FRMPD4: variants seen among roughly 807,000 people sequenced by gnomAD.
The protein encoded by FRMPD4 is FERM and PDZ domain containing 4.
A neutral mutation model predicts 94.1 loss-of-function variants in FRMPD4; 22 were observed. The observed-to-expected ratio is 0.23, with a 90% CI of 0.17 to 0.33. FRMPD4 has a LOEUF of 0.33. Among genes scored for constraint, FRMPD4 ranks in the 10% least tolerant of loss-of-function variants. The pLI is 1.00. For missense variants in FRMPD4, 1,111 were observed against 1,339.9 expected, an observed-to-expected ratio of 0.83 and a Z score of 2.67; for synonymous variants, 631 against 548.6, an observed-to-expected ratio of 1.15 and a Z score of -2.10.
chrX:12,629,097 C>G (rs1422661865), intron 4 of FRMPD4, among the ~76,000 whole-genome samples: 1 of 112,284 alleles, frequency 8.9e-6, no homozygotes, highest in African/African-American at 3.2e-5. Context: ...GCAGGTCCCT[C>G]CCACAACACA....
chrX:12,059,656 A>G (rs2054874064), intron 3 of FRMPD4, among the ~76,000 whole-genome samples: 1 of 107,376 alleles, frequency 9.3e-6, no homozygotes. Flanking sequence ...GATTGTTGCC[A>G]CATTTATGTC....
intron 1 of FRMPD4, among the ~76,000 whole-genome samples, chrX:12,403,624 A>G (rs1569262668): frequency 1.8e-5 from 2 of 111,386 alleles, no homozygotes; most frequent in Admixed American, 9.6e-5. Flanking sequence ...TATCCTTTTG[A>G]TCACTGTCGG....
chrX:11,850,130 A>T (rs1454563089), intron 1 of FRMPD4, among the ~76,000 whole-genome samples: 1 of 112,324 alleles, frequency 8.9e-6, no homozygotes, highest in Non-Finnish European at 1.9e-5. Flanking sequence ...TTGAATAGAC[A>T]ATTCTCCAAA....
chrX:12,569,231 A>G (rs1206931555), intron 2 of FRMPD4, among the ~76,000 whole-genome samples: 1 of 111,382 alleles, frequency 9.0e-6, no homozygotes, highest in African/African-American at 3.3e-5. Context: ...TTACAGCAAC[A>G]TAAAGCAGAC....
intron 1 of FRMPD4, among the ~76,000 whole-genome samples, chrX:12,245,204 A>G (rs1183680190): frequency 8.9e-6 from 1 of 112,009 alleles, no homozygotes; most frequent in Non-Finnish European, 1.9e-5. Flanking sequence ...GGCACTCTGT[A>G]TGCAGAGAGA....
At chrX:11,901,335 G>A (rs1262931196) in intron 3 of FRMPD4, among the ~76,000 whole-genome samples, 1 of 111,935 alleles carries the variant, frequency 8.9e-6, no homozygotes, top group African/African-American at 3.3e-5. Context: ...CCACTTATAA[G>A]TGAGAACATA....
chrX:12,709,378 C>T, intron 13 of FRMPD4, among the ~76,000 whole-genome samples: 1 of 112,059 alleles, frequency 8.9e-6, no homozygotes, highest in South Asian at 3.7e-4. Flanking sequence ...CACTTTTTCT[C>T]TTTCAACAAA....
At chrX:12,678,001 C>G (rs980175940) in intron 5 of FRMPD4, among the ~76,000 whole-genome samples, 2 of 112,553 alleles carry the variant, frequency 1.8e-5, no homozygotes, top group Non-Finnish European at 3.7e-5. Flanking sequence ...TGTTGGCAAA[C>G]TTTTCCCGCA....
intron 3 of FRMPD4, among the ~76,000 whole-genome samples, chrX:11,935,022 A>G (rs1277710066): frequency 9.4e-6 from 1 of 106,729 alleles, no homozygotes; most frequent in African/African-American, 3.4e-5. Flanking sequence ...CAATTTGTCA[A>G]TAAACTTTGG....
intron 1 of FRMPD4, among the ~76,000 whole-genome samples, chrX:12,232,927 A>G (rs757233136): frequency 4.5e-5 from 5 of 112,152 alleles, no homozygotes; most frequent in Non-Finnish European, 9.4e-5. Context: ...GGATTCTTTC[A>G]GGAAGAAGTA....
intron 1 of FRMPD4, among the ~76,000 whole-genome samples, chrX:12,490,752 C>G (rs1046635555): frequency 8.1e-5 from 9 of 111,734 alleles, no homozygotes; most frequent in African/African-American, 2.6e-4. Context: ...AATCTAGACT[C>G]CATGGTTTGG....
intron 3 of FRMPD4, among the ~76,000 whole-genome samples, chrX:11,900,933 A>G (rs762015768): frequency 9.0e-6 from 1 of 110,992 alleles, no homozygotes; most frequent in Non-Finnish European, 1.9e-5. Context: ...GCTTCCTTCA[A>G]GTTGTTCCCC....
rs1283330937 is a variant in FRMPD4, at chrX:12,495,844, G to A, written c.42-2836G>A. Among the ~76,000 whole-genome samples, 3 of 111,964 alleles carry A rather than the reference G, an allele frequency of 2.7e-5. No homozygotes were observed. The East Asian group carries it at 8.3e-4, about 31-fold the overall frequency. ...GCCTAGGCCCTATCCCCAGATATTC[G>A]GGCTCAGTGGCTTGGCTTTGGTTCC... is the stretch of plus-strand genomic sequence containing the variant. On this transcript the variant is annotated intron_variant, in intron 1 of 16. Transcript: ENST00000675598.
intron 1 of FRMPD4, among the ~76,000 whole-genome samples, chrX:12,153,824 A>G (rs748218153): frequency 8.9e-6 from 1 of 112,593 alleles, no homozygotes; most frequent in African/African-American, 3.2e-5. Flanking sequence ...TAAGCTAAGA[A>G]TGGTTTTTAC....
At position 11,903,804 on chromosome X, in the gene FRMPD4, A is replaced by G. The variant is rs187269375; in HGVS notation, c.95+25786A>G. On this transcript the variant is annotated intron_variant, in intron 3 of 18. Transcript: ENST00000640291. ...ATTTTTGTTTTTGATTTTTTAAGAC[A>G]GGGTCTTGCTGTGTTGCCTGGCTAG... Among the ~76,000 whole-genome samples, 61 of 111,939 alleles carry G rather than the reference A, an allele frequency of 5.4e-4. No homozygotes were observed. The East Asian group carries it at 0.015, about 27-fold the overall frequency.
chrX:12,335,482 A>G (rs2055503165), intron 1 of FRMPD4, among the ~76,000 whole-genome samples: 1 of 111,653 alleles, frequency 9.0e-6, no homozygotes, highest in African/African-American at 3.3e-5. Flanking sequence ...TTAGTTTTAT[A>G]TAATCGTTTC....
intron 2 of FRMPD4, among the ~76,000 whole-genome samples, chrX:12,528,319 G>GTTT (rs62720861): frequency 2.7e-5 from 2 of 73,858 alleles, no homozygotes; most frequent in African/African-American, 6.0e-5. Context: ...TTTTGTTTTT[G>GTTT]TTTTTTTTTT....
At chrX:12,296,801 G>A (rs1356679385) in intron 1 of FRMPD4, among the ~76,000 whole-genome samples, 5 of 112,257 alleles carry the variant, frequency 4.5e-5, no homozygotes, top group Non-Finnish European at 7.5e-5. Context: ...ATAGTCACCT[G>A]GTGATCTCCA....
At chrX:12,207,251 AT>A (rs752154602) in intron 1 of FRMPD4, among the ~76,000 whole-genome samples, 23 of 111,583 alleles carry the variant, frequency 2.1e-4, no homozygotes, top group African/African-American at 6.8e-4. Flanking sequence ...ATGCCTCACA[AT>A]TTTTTTTATG....
Sources: gnomAD v4.1 joint callset for allele counts (sites outside exome capture counted in the v4.1 genomes callset) on GRCh38, gnomAD v4.1.1 for gene constraint, MANE v1.5 for transcripts, NCBI Gene and HGNC (gene_info 2026-07-23, HGNC 2026-07-21) for gene names.